Variants in ETV7 observed in about 807,000 individuals in gnomAD.
The protein encoded by ETV7 is ETS variant transcription factor 7.
A neutral mutation model predicts 39.1 loss-of-function variants in ETV7; 43 were observed. That is an observed-to-expected ratio of 1.10 (90% CI 0.86 to 1.42). The LOEUF (loss-of-function observed/expected upper bound fraction) is 1.42. Among genes scored for constraint, ETV7 ranks in the 40% most tolerant of loss-of-function variants. The pLI is 0.00. For missense variants in ETV7, 432 were observed against 442.3 expected, an observed-to-expected ratio of 0.98 and a Z score of 0.21; for synonymous variants, 196 against 176.6, an observed-to-expected ratio of 1.11 and a Z score of -0.87.
At chr6:36,361,705 G>C (rs1772493913), downstream of ETV7, among the ~76,000 whole-genome samples, 1 of 152,194 alleles carries the variant, frequency 6.6e-6, no homozygotes. Context: ...TGCTGTAAAT[G>C]GTTCAACTGG....
chr6:36,375,544 C>T (rs1773277850), intron 3 of ETV7, among the ~76,000 whole-genome samples: 1 of 152,144 alleles, frequency 6.6e-6, no homozygotes, highest in South Asian at 2.1e-4. Flanking sequence ...GTTTTTTGTT[C>T]AGTAGGGGTA....
chr6:36,366,614 C>T lies in ETV7; in HGVS notation c.*31G>A, dbSNP rs749264390. On this transcript the variant is annotated 3_prime_UTR_variant, in exon 8 of 8. Coordinates refer to ENST00000340181, the MANE Select transcript of ETV7 (RefSeq NM_016135.4). Reference sequence around the variant, plus strand: ...ATGGGAGACTCGGTCCCTGCCCCATCGGTACCGGGTGCCTGGAGTCCACCT... The same window carrying T: ...ATGGGAGACTCGGTCCCTGCCCCATTGGTACCGGGTGCCTGGAGTCCACCT... 8 of 1,613,826 alleles carry T rather than the reference C, an allele frequency of 5.0e-6. No homozygotes were observed. Among genetic ancestry groups the T allele is most frequent in the Admixed American group, 1.7e-5 (1 of 59,990 alleles).
chr6:36,369,747 T>C (rs1222451564), intron 5 of ETV7, among the ~76,000 whole-genome samples: 1 of 152,186 alleles, frequency 6.6e-6, no homozygotes, highest in Non-Finnish European at 1.5e-5. Flanking sequence ...CCTGGTATAC[T>C]GTAAGTGCAC....
At chr6:36,387,515 G>A (rs762033714) in intron 1 of ETV7, 21 bp downstream of exon 1, 2 of 1,614,124 alleles carry the variant, frequency 1.2e-6, no homozygotes, top group Non-Finnish European at 1.7e-6. Flanking sequence ...CGCGCTGCGT[G>A]TTCAGCCGCC....
At chr6:36,377,847 G>A (rs531375955) in intron 2 of ETV7, among the ~76,000 whole-genome samples, 29 of 152,134 alleles carry the variant, frequency 1.9e-4, no homozygotes, top group African/African-American at 5.1e-4. Flanking sequence ...CACAGGGAAC[G>A]TTCACTGTGC....
At chr6:36,364,466 TG>T (rs1412294937), downstream of ETV7, among the ~76,000 whole-genome samples, 1 of 152,218 alleles carries the variant, frequency 6.6e-6, no homozygotes, top group African/African-American at 2.4e-5. Context: ...CCGCAGCCGC[TG>T]GCCCGGGTGC....
In ETV7 at chr6:36,385,647, G is replaced by A; in HGVS notation, c.29C>T (p.Pro10Leu). The change falls in exon 2 of 8, where the codon CCT becomes CTT. Residue 10 changes from proline to leucine, a missense_variant. Pro to Leu is a moderately conservative substitution (Grantham distance 98). Transcript: ENST00000340181. MQEGELAIS[P>L]ISPVAAMPPL... Reference sequence around the variant, plus strand: ...AGGCATGGCTGCCACAGGGCTTATAGGAGAAATAGCCAATTCTCCCTCCTA... The same window carrying A: ...AGGCATGGCTGCCACAGGGCTTATAAGAGAAATAGCCAATTCTCCCTCCTA... 1 of 1,613,328 alleles carries A rather than the reference G, an allele frequency of 6.2e-7. No individual in the cohort carries two copies. Among genetic ancestry groups the A allele is most frequent in the Non-Finnish European group, 8.5e-7 (1 of 1,179,658 alleles).
chr6:36,367,720 A>C (rs1582180019), intron 6 of ETV7, among the ~76,000 whole-genome samples: 1 of 151,664 alleles, frequency 6.6e-6, no homozygotes, highest in East Asian at 1.9e-4. Flanking sequence ...GGGGGTAGGC[A>C]GTGTGAGGTA....
intron 2 of ETV7, among the ~76,000 whole-genome samples, chr6:36,377,299 A>G (rs1773425832): frequency 6.6e-6 from 1 of 152,154 alleles, no homozygotes; most frequent in Admixed American, 6.5e-5. Flanking sequence ...CGTCTCTCCA[A>G]AAATACAAAA....
In ETV7 at chr6:36,366,526, T is replaced by C. The variant is rs1772725151; in HGVS notation, c.*119A>G. On this transcript the variant is annotated 3_prime_UTR_variant, in exon 8 of 8. Coordinates refer to ENST00000340181, the MANE Select transcript of ETV7 (RefSeq NM_016135.4). Reference sequence around the variant, plus strand: ...CAGCCTTCCCAAGCAATGGCTGTAATCCTGTGGGTACAGAGTCTGGCTGGG... The same window carrying C: ...CAGCCTTCCCAAGCAATGGCTGTAACCCTGTGGGTACAGAGTCTGGCTGGG... The C allele has an allele frequency of 6.4e-7, 1 of 1,552,876 alleles. No homozygotes were observed. Among genetic ancestry groups the C allele is most frequent in the African/African-American group, 1.4e-5 (1 of 73,210 alleles).
At position 36,385,595 on chromosome 6, in the gene ETV7, T is replaced by A. The variant is rs752939916; in HGVS notation, c.81A>T (p.Arg27Ser). 5 of 1,614,128 alleles carry A rather than the reference T, an allele frequency of 3.1e-6. No homozygotes were observed. In the African/African-American group the frequency reaches 6.7e-5, roughly 22 times the overall value. The part of the protein sequence containing the change: ...MPPLGTHVQA[R>S]CEAQINLLGE... ...CCAGCAGGTTAATTTGAGCTTCACA[T>A]CTGGCTTGCACGTGGGTGCCTAGGG... Residue 27 changes from arginine (R) to serine (S), a missense_variant, in exon 2 of 8, where the codon AGA (arginine) becomes AGT (serine). Coordinates refer to ENST00000340181, the MANE Select transcript of ETV7 (RefSeq NM_016135.4).
intron 6 of ETV7, 55 bp from the exon 7 acceptor site, chr6:36,367,030 ACACC>A: frequency 7.9e-6 from 11 of 1,383,682 alleles, no homozygotes; most frequent in Non-Finnish European, 1.1e-5. Context: ...TGCTCCTTCC[ACACC>A]TGGAAGGGAG....
chr6:36,365,448 G>A (rs369436980), downstream of ETV7, among the ~76,000 whole-genome samples: 17 of 152,188 alleles, frequency 1.1e-4, no homozygotes, highest in African/African-American at 4.1e-4. Flanking sequence ...CAGAGGTCAG[G>A]TCAGGAGAAG....
At chr6:36,355,901 C>T (rs953288647) in intron 7 of ETV7, among the ~76,000 whole-genome samples, 12 of 152,240 alleles carry the variant, frequency 7.9e-5, no homozygotes, top group Middle Eastern at 3.4e-3. Context: ...GAACAAAGGA[C>T]GTCTTAAAAA....
chr6:36,376,146 A>C, intron 2 of ETV7, 111 bp from the exon 3 acceptor site: 1 of 956,982 alleles, frequency 1.0e-6, no homozygotes, highest in Non-Finnish European at 1.5e-6. Context: ...CCCAACCCCC[A>C]TCATCTTCTG....
intron 7 of ETV7, among the ~76,000 whole-genome samples, chr6:36,359,938 C>G (rs1399136581): frequency 1.3e-5 from 2 of 151,908 alleles, no homozygotes; most frequent in African/African-American, 4.8e-5. Flanking sequence ...CACTCTGATG[C>G]CAGGCTGGAG....
In ETV7 at chr6:36,371,497, C is replaced by G. The variant is rs1265011737; in HGVS notation, c.497G>C (p.Gly166Ala). 1.1e-5 allele frequency: 17 copies of G among 1,606,422 alleles called. No individual in the cohort carries two copies. The highest frequency in any genetic ancestry group is 1.4e-5 in the Non-Finnish European group (16 of 1,176,732). Residue 166 changes from glycine (G) to alanine (A), a missense_variant, in exon 5 of 8, where the codon GGG (glycine) becomes GCG (alanine). Coordinates refer to ENST00000340181, the MANE Select transcript of ETV7 (RefSeq NM_016135.4). ...RGHLLQPPDP[G>A]LTSNFGHLDD... ...CAGGTGGCCGAAGTTGCTGGTAAGC[C>G]CTGGGTCTGGTGGCTGCAGCAGGTG...
intron 6 of ETV7, 46 bp downstream of exon 6, chr6:36,368,883 G>A: frequency 6.2e-7 from 1 of 1,613,580 alleles, no homozygotes; most frequent in African/African-American, 1.3e-5. Flanking sequence ...CCCCAACTCT[G>A]TCCCCTTCTG....
At chr6:36,354,666 G>A (rs1225296447) in exon 8 of ETV7, 1 of 698,514 alleles carries the variant, frequency 1.4e-6, no homozygotes. Context: ...ATATGAATAT[G>A]AAGATCAGCT....
Sources: gnomAD v4.1 joint callset for allele counts (sites outside exome capture counted in the v4.1 genomes callset) on GRCh38, gnomAD v4.1.1 for gene constraint, MANE v1.5 for transcripts, NCBI Gene and HGNC (gene_info 2026-07-23, HGNC 2026-07-21) for gene names.